CTCF: variants seen among roughly 807,000 people sequenced by gnomAD.
The protein encoded by CTCF is transcriptional repressor CTCF.
CTCF carries 7 observed loss-of-function variants against 72.3 expected under a neutral mutation model. The ratio of observed to expected loss-of-function variants is 0.10; its 90% CI spans 0.06 to 0.18. The LOEUF is 0.18. CTCF is among the 10% of genes least tolerant of loss of function. The pLI is 1.00. For missense variants in CTCF, 516 were observed against 949.1 expected (o/e 0.54, Z 6.00); for synonymous variants, 374 against 315.8 (o/e 1.18, Z -1.95).
chr16:67,585,514 C>G (rs2051657904), intron 2 of CTCF, among the ~76,000 whole-genome samples: 1 of 152,206 alleles, frequency 6.6e-6, no homozygotes, highest in Non-Finnish European at 1.5e-5. Flanking sequence ...CTTCTTAACC[C>G]AGGACTTTTC....
chr16:67,607,746 G>A (rs1035043868), intron 2 of CTCF, among the ~76,000 whole-genome samples: 19 of 151,936 alleles, frequency 1.3e-4, no homozygotes, highest in African/African-American at 4.6e-4. Flanking sequence ...GTGGCTGGGC[G>A]TGGTGGCTCA....
At chr16:67,616,674 G>A (rs2142839144) in intron 4 of CTCF, 71 bp from the exon 5 acceptor site, 1 of 1,556,514 alleles carries the variant, frequency 6.4e-7, no homozygotes, top group Non-Finnish European at 8.8e-7. Context: ...GCAGTTCTGT[G>A]CCACACATTG....
chr16:67,588,199 A>G (rs2051694291), intron 2 of CTCF, among the ~76,000 whole-genome samples: 1 of 152,194 alleles, frequency 6.6e-6, no homozygotes, highest in Non-Finnish European at 1.5e-5. Flanking sequence ...AGGTTTGGGA[A>G]TCATTGCTCA....
chr16:67,590,371 TGGGAG>T (rs1220485268), intron 2 of CTCF, among the ~76,000 whole-genome samples: 5 of 152,076 alleles, frequency 3.3e-5, no homozygotes, highest in Non-Finnish European at 7.4e-5. Context: ...TATTAACAAA[TGGGAG>T]GGGAGATTGT....
At chr16:67,619,329 G>C (rs572582255) in intron 5 of CTCF, among the ~76,000 whole-genome samples, 1 of 152,180 alleles carries the variant, frequency 6.6e-6, no homozygotes, top group Admixed American at 6.6e-5. Context: ...TCAGCTACTC[G>C]GGAGGCTGAG....
intron 4 of CTCF, 44 bp from the exon 5 acceptor site, chr16:67,616,701 G>C: frequency 6.2e-7 from 1 of 1,610,568 alleles, no homozygotes; most frequent in Non-Finnish European, 8.5e-7. Context: ...GTCATTAACT[G>C]TGCCCTTGAT....
At chr16:67,572,685 A>G (rs541825386) in intron 2 of CTCF, 1 of 152,256 alleles carries the variant, frequency 6.6e-6, no homozygotes, top group South Asian at 2.1e-4. Context: ...AATCCCAGTA[A>G]TCCTAGTACT....
At chr16:67,629,326 T>C in intron 9 of CTCF, 72 bp from the exon 10 acceptor site, 1 of 1,439,212 alleles carries the variant, frequency 6.9e-7, no homozygotes, top group Non-Finnish European at 9.5e-7. Flanking sequence ...TGGATTTTAT[T>C]AAAGTAAATA....
chr16:67,630,125 T>G (rs1379636392), intron 10 of CTCF, among the ~76,000 whole-genome samples: 1 of 152,116 alleles, frequency 6.6e-6, no homozygotes, highest in Admixed American at 6.6e-5. Context: ...ATTAATATTT[T>G]TATTCAGTTT....
intron 1 of CTCF, among the ~76,000 whole-genome samples, chr16:67,567,462 C>T (rs1398570360): frequency 6.6e-6 from 1 of 152,156 alleles, no homozygotes; most frequent in African/African-American, 2.4e-5. Context: ...AAAATTGCCT[C>T]TCAACAGAGG....
intron 2 of CTCF, among the ~76,000 whole-genome samples, chr16:67,589,636 C>T (rs1222305239): frequency 6.6e-6 from 1 of 152,162 alleles, no homozygotes; most frequent in African/African-American, 2.4e-5. Flanking sequence ...TCCCTAAGAA[C>T]TGAACCTCGT....
intron 10 of CTCF, among the ~76,000 whole-genome samples, chr16:67,631,453 C>T (rs370211874): frequency 1.3e-5 from 2 of 152,022 alleles, no homozygotes; most frequent in South Asian, 4.1e-4. Flanking sequence ...ATGTGAGCCA[C>T]TGTGCCCGGC....
At chr16:67,607,023 C>G (rs368006839) in intron 2 of CTCF, among the ~76,000 whole-genome samples, 1 of 152,096 alleles carries the variant, frequency 6.6e-6, no homozygotes, top group Non-Finnish European at 1.5e-5. Flanking sequence ...GTGGCCCAAT[C>G]TCAGCTCACT....
chr16:67,604,743 T>C (rs1388901013), intron 2 of CTCF, among the ~76,000 whole-genome samples: 1 of 121,232 alleles, frequency 8.2e-6, no homozygotes, highest in African/African-American at 4.1e-5. Context: ...TTTTTTTTTT[T>C]TGTTTTTTGT....
rs1406881801 is a variant in CTCF, at chr16:67,637,741, A to G, written c.2053A>G (p.Ile685Val). Residue 685 changes from isoleucine (I) to valine (V), a missense_variant, in exon 12 of 12, where the codon ATA becomes GTA. By Grantham distance (29) the Ile-to-Val change is conservative. Around this residue, in one of 7 missense-constraint regions of CTCF, gnomAD observed 157 missense variants for 172.9 expected, o/e 0.91. Transcript: ENST00000264010. ...GAATACAGGTGCAATTGAGAACATT[A>G]TAGTTGAAGTAAAAAAAGAGCCAGA... Reference protein sequence around the residue: ...DQNTGAIENIIVEVKKEPDAE... With the variant: ...DQNTGAIENIVVEVKKEPDAE... 1.2e-6 allele frequency: 2 copies of G among 1,613,954 alleles called. No homozygotes were observed. The highest frequency in any genetic ancestry group is 1.7e-5 in the Admixed American group (1 of 60,028).
chr16:67,610,877 T>C lies in CTCF; in HGVS notation c.45T>C (p.Thr15=), dbSNP rs754431277. 1.3e-6 allele frequency: 2 copies of C among 1,504,958 alleles called. No homozygotes were observed. Among genetic ancestry groups the C allele is most frequent in the South Asian group, 2.8e-5 (2 of 70,632 alleles). 93.2% of individuals were successfully genotyped at this position (1,504,958 alleles called of 1,614,324 possible). ...AAGCCATTGTGGAGGAGTCCGAAAC[T>C]TTTATTAAAGGAAAGGAGAGAAAGA... ...AVEAIVEESE[T]FIKGKERKTY... The change falls in exon 3 of 12, where the codon ACT becomes ACC. Residue 15 remains threonine, a synonymous_variant. Transcript: ENST00000264010.
chr16:67,618,591 G>A (rs758641006), intron 5 of CTCF, among the ~76,000 whole-genome samples: 3 of 152,214 alleles, frequency 2.0e-5, no homozygotes, highest in Non-Finnish European at 4.4e-5. Context: ...TTAATGGAAA[G>A]ATAAAACTGT....
chr16:67,601,220 GTGTGT>G (rs2051882458), intron 2 of CTCF, among the ~76,000 whole-genome samples: 2 of 13,698 alleles, frequency 1.5e-4, no homozygotes, highest in African/African-American at 2.6e-4. Flanking sequence ...ACTAAGGGGT[GTGTGT>G]GTGTGTGTGT....
At chr16:67,563,186 C>A (rs1049781179) in intron 1 of CTCF, 6 of 152,138 alleles carry the variant, frequency 3.9e-5, no homozygotes, top group Non-Finnish European at 7.3e-5. Flanking sequence ...GGGTTCGGAC[C>A]GACTGCCGCC....
Sources: allele counts gnomAD v4.1 joint callset (sites outside exome capture counted in the v4.1 genomes callset), GRCh38; gene constraint gnomAD v4.1.1; regional missense constraint gnomAD v4.1.1; transcripts MANE v1.5; gene names NCBI Gene and HGNC (gene_info 2026-07-23, HGNC 2026-07-21).